Variants in TENM3 observed in about 807,000 individuals in gnomAD.
TENM3 encodes the protein teneurin-3.
Under a neutral mutation model 255.1 loss-of-function variants are expected in TENM3, and 63 were observed. That is an observed-to-expected ratio of 0.25 (90% CI 0.20 to 0.30). TENM3 has a LOEUF of 0.30. TENM3 is among the 10% of genes least tolerant of loss of function. The pLI is 1.00. For synonymous variants in TENM3, 1,306 were observed against 1,322.3 expected (o/e 0.99, Z 0.27); for missense variants, 2,929 against 3,461.1 (o/e 0.85, Z 3.86).
the TENM3 span, among the ~76,000 whole-genome samples, chr4:182,034,775 T>G: frequency 8.5e-5 from 13 of 152,324 alleles, no homozygotes; most frequent in African/African-American, 2.9e-4. Context: ...TGGGCTTTCC[T>G]TTGTAGGTGA....
intron 3 of TENM3, among the ~76,000 whole-genome samples, chr4:182,512,709 T>C (rs1280610194): frequency 6.6e-6 from 1 of 152,210 alleles, no homozygotes; most frequent in African/African-American, 2.4e-5. Flanking sequence ...CAGATAGTCG[T>C]GACCTGGTCC....
chr4:182,016,927 G>A, the TENM3 span, among the ~76,000 whole-genome samples: 1 of 152,226 alleles, frequency 6.6e-6, no homozygotes, highest in African/African-American at 2.4e-5. Flanking sequence ...ATGTAAAAAA[G>A]AGCACATAAT....
intron 5 of TENM3, among the ~76,000 whole-genome samples, chr4:182,646,284 A>G (rs1752731237): frequency 6.6e-6 from 1 of 152,220 alleles, no homozygotes; most frequent in South Asian, 2.1e-4. Context: ...GACTTCCACA[A>G]AATGATTTAA....
intron 2 of TENM3, among the ~76,000 whole-genome samples, chr4:182,336,384 A>G (rs1358164644): frequency 6.6e-6 from 1 of 152,220 alleles, no homozygotes; most frequent in African/African-American, 2.4e-5. Context: ...AGCTGTGCTC[A>G]AAACTTTACA....
At chr4:182,704,274 A>G (rs1758106076) in intron 12 of TENM3, among the ~76,000 whole-genome samples, 1 of 152,208 alleles carries the variant, frequency 6.6e-6, no homozygotes, top group African/African-American at 2.4e-5. Flanking sequence ...ATCACACACC[A>G]CACAAGGCAT....
intron 3 of TENM3, among the ~76,000 whole-genome samples, chr4:182,581,125 T>G (rs116300672): frequency 0.01 from 1,546 of 152,272 alleles, 31 homozygotes; most frequent in African/African-American, 0.035. Context: ...AGAATTTAAA[T>G]TACCCAGGTT....
intron 1 of TENM3, 120 bp from the exon 2 acceptor site, chr4:182,323,826 G>T (rs1403095861): frequency 1.4e-5 from 8 of 591,920 alleles, no homozygotes; most frequent in Non-Finnish European, 2.1e-5. Flanking sequence ...CTTGTTGAAA[G>T]CAAGTTTCCT....
intron 1 of TENM3, among the ~76,000 whole-genome samples, chr4:182,274,749 A>G (rs1460675962): frequency 1.3e-5 from 2 of 152,206 alleles, no homozygotes; most frequent in Non-Finnish European, 2.9e-5. Flanking sequence ...GTACATAGAC[A>G]GAATACCTTG....
chr4:181,615,926 C>T, the TENM3 span, among the ~76,000 whole-genome samples: 4 of 152,094 alleles, frequency 2.6e-5, no homozygotes, highest in African/African-American at 9.7e-5. Flanking sequence ...AAAACTGAGA[C>T]AGAAAAATTT....
the TENM3 span, among the ~76,000 whole-genome samples, chr4:181,919,374 G>GGTGTGTGTGTGT: frequency 3.5e-3 from 507 of 146,840 alleles, 5 homozygotes; most frequent in African/African-American, 8.4e-3. Context: ...AAGCAAAGCA[G>GGTGTGTGTGTGT]GTGTGTGTGT....
chr4:182,530,690 A>G (rs1183143252), intron 3 of TENM3, among the ~76,000 whole-genome samples: 2 of 152,220 alleles, frequency 1.3e-5, no homozygotes, highest in African/African-American at 2.4e-5. Context: ...AATTGCTCCC[A>G]GTTGAGAACT....
At chr4:182,659,193 C>G (rs1035934200) in intron 6 of TENM3, among the ~76,000 whole-genome samples, 1 of 152,098 alleles carries the variant, frequency 6.6e-6, no homozygotes, top group Non-Finnish European at 1.5e-5. Flanking sequence ...ATCTTTCTTT[C>G]CAAATTTGCC....
chr4:182,197,029 T>C lies in TENM3; in HGVS notation c.-76+52275T>C, dbSNP rs78421198. Among the ~76,000 whole-genome samples the C allele has an allele frequency of 1.4e-4, 21 of 152,298 alleles. No individual in the cohort carries two copies. The East Asian group carries it at 3.9e-3, about 28-fold the overall frequency. On this transcript the variant is annotated intron_variant, in intron 1 of 2. Coordinates refer to the TENM3 transcript ENST00000512480. ...TTGTTCACGTTTCCCATCCTCGGAG[T>C]TGCTGTTGCATTTCATGTCAGCATG...
At chr4:182,254,124 C>T (rs1234068793) in intron 1 of TENM3, among the ~76,000 whole-genome samples, 4 of 152,062 alleles carry the variant, frequency 2.6e-5, no homozygotes, top group South Asian at 2.1e-4. Context: ...TCTGGTGGAG[C>T]GTATTTTCTC....
At chr4:181,865,748 T>C in the TENM3 span, among the ~76,000 whole-genome samples, 1 of 152,194 alleles carries the variant, frequency 6.6e-6, no homozygotes. Context: ...TACAGGTCCA[T>C]AGGTTTGTAG....
chr4:182,661,808 T>C (rs1054912090), intron 6 of TENM3, among the ~76,000 whole-genome samples: 1 of 152,202 alleles, frequency 6.6e-6, no homozygotes, highest in Non-Finnish European at 1.5e-5. Flanking sequence ...TAAGATGATA[T>C]TATCATTTAC....
chr4:182,007,451 T>C, the TENM3 span, among the ~76,000 whole-genome samples: 2 of 152,240 alleles, frequency 1.3e-5, no homozygotes, highest in Non-Finnish European at 2.9e-5. Flanking sequence ...CTCTTCTTGT[T>C]TCATTGATCC....
the TENM3 span, among the ~76,000 whole-genome samples, chr4:181,782,584 T>C: frequency 1.3e-5 from 2 of 150,858 alleles, no homozygotes; most frequent in African/African-American, 5.0e-5. Context: ...CTGGATACAT[T>C]GATTTTTTTG....
chr4:182,760,322 T>C (rs1763077592), intron 22 of TENM3, among the ~76,000 whole-genome samples: 1 of 152,080 alleles, frequency 6.6e-6, no homozygotes, highest in South Asian at 2.1e-4. Context: ...GAAACCGCGG[T>C]TCTTACACTC....
Sources: gnomAD v4.1 joint callset for allele counts (sites outside exome capture counted in the v4.1 genomes callset) on GRCh38, gnomAD v4.1.1 for gene constraint, MANE v1.5 for transcripts, NCBI Gene and HGNC (gene_info 2026-07-23, HGNC 2026-07-21) for gene names.